The following GPC2 variants were observed in gnomAD, a reference collection of about 807,000 sequenced individuals.
GPC2 encodes glypican-2.
In GPC2, 42 loss-of-function variants were observed where a neutral mutation model predicts 57.3. That is an observed-to-expected ratio of 0.73 (90% CI 0.57 to 0.95). The LOEUF is 0.95. GPC2 is among the 40% of genes least tolerant of loss of function. The pLI is 0.00. For missense variants in GPC2, 745 were observed against 793.6 expected (o/e 0.94, Z 0.74); for synonymous variants, 364 against 343.4 (o/e 1.06, Z -0.66).
Position 100,171,959 on chromosome 7 carries a change from C to T in GPC2, c.1024-34G>A. 6.5e-7 allele frequency: 1 copy of T among 1,543,258 alleles called. No individual in the cohort carries two copies. Among genetic ancestry groups the T allele is most frequent in the East Asian group, 2.3e-5 (1 of 43,912 alleles). ...CCGGGAAGAGACCTCACACAGTCAC[C>T]CTGGGGGGAAACCACACTGCGTCCC... On this transcript the variant is annotated intron_variant, in intron 6 of 9. Transcript: ENST00000292377. The surrounding 1 kb of genome is among the most constrained non-coding windows in gnomAD (Gnocchi z 4.8).
intron 4 of GPC2, chr7:100,174,239 A>G: frequency 1.9e-6 from 1 of 531,520 alleles, no homozygotes; most frequent in African/African-American, 1.9e-5. Context: ...CAAGGACAAG[A>G]GTGAGCCCAT....
chr7:100,177,254 C>T lies in GPC2; in HGVS notation c.-55G>A, dbSNP rs1448662247. ...GGTCCTAAGGAGGAAAGCAGAGCCT[C>T]CCAAACTCGGGAATCCGGTACTCGG... On this transcript the variant is annotated 5_prime_UTR_variant, in exon 1 of 10. Transcript: ENST00000292377. The T allele has an allele frequency of 2.0e-6, 3 of 1,499,096 alleles. No individual in the cohort carries two copies. Among genetic ancestry groups the T allele is most frequent in the Non-Finnish European group, 2.7e-6 (3 of 1,112,708 alleles). The allele number at this position is 1,499,096 out of a possible 1,614,324, so 92.9% of individuals were successfully genotyped here. A position where few individuals can be genotyped will look rare whatever the true frequency, so the allele number is the denominator to read the frequency against.
intron 4 of GPC2, chr7:100,174,285 A>G (rs2116986492): frequency 1.9e-6 from 1 of 515,976 alleles, no homozygotes; most frequent in South Asian, 2.3e-5. Context: ...CAGGAGGCAG[A>G]AGGTGAGGCT....
intron 5 of GPC2, among the ~76,000 whole-genome samples, chr7:100,172,490 C>G (rs1325000633): frequency 6.9e-6 from 1 of 145,006 alleles, no homozygotes; most frequent in Non-Finnish European, 1.5e-5. Flanking sequence ...GAGACATAGT[C>G]TCACTCTGTC....
chr7:100,173,524 T>A (rs1799218884), intron 5 of GPC2: 1 of 189,852 alleles, frequency 5.3e-6, no homozygotes, highest in Non-Finnish European at 1.1e-5. Context: ...GTGATCCTCC[T>A]GCCTCAGCCT....
Position 100,170,150 on chromosome 7 carries a change from G to A in GPC2, c.*80C>T, listed in dbSNP as rs138791019. 19,541 of 1,410,890 alleles carry A rather than the reference G, an allele frequency of 0.014. 189 individuals carry two copies. Among genetic ancestry groups the A allele is most frequent in the Non-Finnish European group, 0.016 (16,505 of 1,055,578 alleles). 87.4% of individuals were successfully genotyped at this position (1,410,890 alleles called of 1,614,324 possible). On this transcript the variant is annotated 3_prime_UTR_variant, in exon 10 of 10. Transcript: ENST00000292377. ...CTCTACCCTCTCTGCAGCCCCCTTCGACTCCTCCCCAGGCCCAGCTGAGGG... is the reference window on the plus strand; with the variant it reads ...CTCTACCCTCTCTGCAGCCCCCTTCAACTCCTCCCCAGGCCCAGCTGAGGG...
intron 4 of GPC2, 63 bp downstream of exon 4, chr7:100,174,622 G>T (rs1799237855): frequency 8.2e-7 from 1 of 1,218,110 alleles, no homozygotes; most frequent in Non-Finnish European, 1.2e-6. Context: ...TCTTCCTTGT[G>T]GGGTCTCTCT....
rs1308961259 is a variant in GPC2, at chr7:100,177,280, C to A, written c.-81G>T. 1.6e-6 allele frequency: 2 copies of A among 1,250,438 alleles called. No individual in the cohort carries two copies. The highest frequency in any genetic ancestry group is 5.3e-5 in the East Asian group (2 of 37,908). The allele number at this position is 1,250,438 out of a possible 1,614,324, so 77.5% of individuals were successfully genotyped here. A position where few individuals can be genotyped will look rare whatever the true frequency, so the allele number is the denominator to read the frequency against. On this transcript the variant is annotated 5_prime_UTR_variant, in exon 1 of 10. Transcript: ENST00000292377. The stretch of plus-strand genomic sequence containing the variant: ...CCAAACTCGGGAATCCGGTACTCGG[C>A]CGCGGGACCGCTCCGCGGGCCAGAG...
Position 100,175,825 on chromosome 7 carries a change from C to A in GPC2, c.395G>T (p.Arg132Leu). The change falls in exon 3 of 10, where the codon CGC becomes CTC. Residue 132 changes from arginine (R) to leucine (L), a missense_variant. Physicochemically the swap from Arg to Leu is moderately radical, Grantham distance 102 (BLOSUM62 -2). Around this residue, in one of 2 missense-constraint regions of GPC2, gnomAD observed 138 missense variants for 189.8 expected, o/e 0.73. Coordinates refer to ENST00000292377, the MANE Select transcript of GPC2 (RefSeq NM_152742.3). ...LTQLFSHSYG[R>L]LYAQHALIFN... ...TATGAGGGCGTGCTGGGCATACAGG[C>A]GGCCGTAGGAGTGGGAGAAGAGCTG... The A allele has an allele frequency of 6.2e-7, 1 of 1,613,816 alleles. No individual in the cohort carries two copies. The highest frequency in any genetic ancestry group is 8.5e-7 in the Non-Finnish European group (1 of 1,179,946).
intron 5 of GPC2, 142 bp from the exon 6 acceptor site, chr7:100,172,359 C>A: frequency 1.1e-6 from 1 of 887,068 alleles, no homozygotes; most frequent in East Asian, 2.7e-5. Flanking sequence ...ATGTATCCCC[C>A]CAATTTGGCT....
In GPC2 at chr7:100,175,896, T is replaced by A. The variant is rs1799263011; in HGVS notation, c.326-2A>T. ...CTGAGAGCATCTCCAGAAAAAACTC[T>A]GCAGCAAATGCAGGGAACAGGTGGA... On this transcript the variant is annotated splice_acceptor_variant, in intron 2 of 9. Transcript: ENST00000292377. LOFTEE classifies it high-confidence loss of function. The A allele has an allele frequency of 6.2e-7, 1 of 1,612,274 alleles. No homozygotes were observed. The highest frequency in any genetic ancestry group is 1.3e-5 in the African/African-American group (1 of 74,744).
rs1799254672 is a variant in GPC2, at chr7:100,175,674, G to A, written c.546C>T (p.Tyr182=). Residue 182 remains tyrosine, a synonymous_variant, in exon 3 of 10, where the codon TAC becomes TAT. Transcript: ENST00000292377. ...AGAGCAGGTAGTCAGGGGGGAAGCT[G>A]TACTGTGGGTGCAGCAGCGGGAACA... The part of the protein sequence containing the change: ...ERVFPLLHPQ[Y]SFPPDYLLCL... The A allele has an allele frequency of 1.9e-6, 3 of 1,614,048 alleles. No homozygotes were observed. The highest frequency in any genetic ancestry group is 1.1e-5 in the South Asian group (1 of 91,086).
Position 100,171,779 on chromosome 7 carries a change from C to T in GPC2, c.1170G>A (p.Leu390=). ...TTAAGTNLHR[L]VWELRERLAR... ...CCCAACTCTTGGTCATCCCACGCAC[C>T]AGCCGGTGCAGGTTGGTGCCTGCGG... Residue 390 remains leucine (L), a splice_region_variant and synonymous_variant, in exon 7 of 10, where the codon CTG becomes CTA. Coordinates refer to ENST00000292377, the MANE Select transcript of GPC2 (RefSeq NM_152742.3). This position sits in a 1 kb window ranked among gnomAD's most constrained non-coding sequence, Gnocchi z 4.8. 1.9e-6 allele frequency: 3 copies of T among 1,554,304 alleles called. No individual in the cohort carries two copies. Among genetic ancestry groups the T allele is most frequent in the Non-Finnish European group, 2.6e-6 (3 of 1,160,260 alleles).
chr7:100,174,225 C>T (rs892256705), intron 4 of GPC2: 4 of 519,478 alleles, frequency 7.7e-6, no homozygotes, highest in Middle Eastern at 4.9e-4. Flanking sequence ...GTGGAGGGAA[C>T]ATTCAAGGAC....
chr7:100,172,235 AAG>A lies in GPC2; in HGVS notation c.893-20_893-19del. The A allele has an allele frequency of 6.2e-7, 1 of 1,613,176 alleles. No homozygotes were observed. Among genetic ancestry groups the A allele is most frequent in the South Asian group, 1.1e-5 (1 of 91,004 alleles). On this transcript the variant is annotated intron_variant, in intron 5 of 9. Coordinates refer to ENST00000292377, the MANE Select transcript of GPC2 (RefSeq NM_152742.3). ...GAGACCATCTTAAGGGAGGGAGAGA[AAG>A]AGAAAGGATGGGATGAGTGGTGATA...
chr7:100,173,222 C>T (rs899803190), intron 5 of GPC2, among the ~76,000 whole-genome samples: 11 of 151,988 alleles, frequency 7.2e-5, no homozygotes, highest in African/African-American at 2.2e-4. Context: ...CGCCTGCCTC[C>T]GCCTCCCAAA....
intron 3 of GPC2, 86 bp from the exon 4 acceptor site, chr7:100,174,851 G>A (rs1357733181): frequency 1.0e-6 from 1 of 1,001,090 alleles, no homozygotes; most frequent in Non-Finnish European, 1.5e-6. Flanking sequence ...ATCAAGAGCA[G>A]TGAGGGTTGG....
intron 5 of GPC2, chr7:100,173,612 TTTTC>T (rs1282503053): frequency 3.1e-6 from 1 of 325,786 alleles, no homozygotes; most frequent in Non-Finnish European, 5.6e-6. Context: ...CTTTCTTTCT[TTTTC>T]TTTCTTTCCT....
intron 4 of GPC2, 67 bp from the exon 5 acceptor site, chr7:100,174,064 T>G: frequency 7.1e-7 from 1 of 1,399,920 alleles, no homozygotes; most frequent in Non-Finnish European, 9.5e-7. Flanking sequence ...GGCTTGGTGC[T>G]GGGCACAGAC....
Sources: gnomAD v4.1 joint callset for allele counts (sites outside exome capture counted in the v4.1 genomes callset) on GRCh38, gnomAD v4.1.1 for gene constraint, gnomAD v4.1.1 regional missense constraint, Gnocchi (gnomAD v3.1) non-coding constraint, MANE v1.5 for transcripts, NCBI Gene and HGNC (gene_info 2026-07-23, HGNC 2026-07-21) for gene names.